Variants in CNTN6 observed in about 807,000 individuals in gnomAD.
The protein encoded by CNTN6 is contactin-6.
Under a neutral mutation model 122.8 loss-of-function variants are expected in CNTN6, and 137 were observed. The ratio of observed to expected loss-of-function variants is 1.12; its 90% CI spans 0.97 to 1.29. The LOEUF is 1.29. Among genes scored for constraint, CNTN6 ranks in the 50% most tolerant of loss-of-function variants. CNTN6 has a pLI of 0.00. For missense variants in CNTN6, 1,634 were observed against 1,223.4 expected (o/e 1.34, Z -5.01); for synonymous variants, 570 against 426.0 (o/e 1.34, Z -4.16).
chr3:1,180,498 C>T (rs560781575), intron 2 of CNTN6, among the ~76,000 whole-genome samples: 1 of 152,194 alleles, frequency 6.6e-6, no homozygotes, highest in African/African-American at 2.4e-5. Flanking sequence ...ATCCTGCTGA[C>T]TCTATTTTTA....
chr3:1,374,060 A>G lies in CNTN6; in HGVS notation c.2082A>G (p.Arg694=), dbSNP rs760760124. 6.2e-7 allele frequency: 1 copy of G among 1,612,446 alleles called. No homozygotes were observed. The highest frequency in any genetic ancestry group is 2.2e-5 in the East Asian group (1 of 44,834). ...GEPSEPSELL[R]TKASVPVVAP... ...CAAGTGAACCATCAGAATTGTTAAG[A>G]ACTAAAGCATCAGGTAAAGAATCAA... Residue 694 remains arginine, a synonymous_variant, in exon 16 of 23, where the codon AGA becomes AGG. Coordinates refer to ENST00000446702, the MANE Select transcript of CNTN6 (RefSeq NM_001289080.2).
chr3:1,364,338 A>G (rs1432241756), intron 12 of CNTN6, among the ~76,000 whole-genome samples: 2 of 151,920 alleles, frequency 1.3e-5, no homozygotes. Context: ...ATTTTCTATA[A>G]TGTCATAGAT....
At chr3:1,278,178 C>G (rs1385323103) in intron 4 of CNTN6, among the ~76,000 whole-genome samples, 1 of 152,108 alleles carries the variant, frequency 6.6e-6, no homozygotes, top group Non-Finnish European at 1.5e-5. Context: ...TAAAAGCAAA[C>G]AGATAGTGAG....
At chr3:1,114,687 T>C (rs561481345) in intron 1 of CNTN6, among the ~76,000 whole-genome samples, 2 of 152,322 alleles carry the variant, frequency 1.3e-5, no homozygotes, top group South Asian at 4.1e-4. Context: ...CAAGGAAGAA[T>C]ACTTCGCAAA....
intron 1 of CNTN6, among the ~76,000 whole-genome samples, chr3:1,101,871 A>T (rs2124959983): frequency 6.6e-6 from 1 of 152,334 alleles, no homozygotes; most frequent in South Asian, 2.1e-4. Context: ...ATGGTATGCA[A>T]ATTCTTAAAA....
intron 2 of CNTN6, among the ~76,000 whole-genome samples, chr3:1,189,274 TGGGGGAAA>T (rs2093668802): frequency 6.6e-6 from 1 of 152,168 alleles, no homozygotes. Context: ...AATCTCCTTT[TGGGGGAAA>T]GGGTTATAAG....
chr3:1,260,434 T>G (rs2125704509), intron 4 of CNTN6, among the ~76,000 whole-genome samples: 1 of 152,160 alleles, frequency 6.6e-6, no homozygotes, highest in Non-Finnish European at 1.5e-5. Flanking sequence ...GGGCAGATGT[T>G]TGATGTTTGG....
intron 2 of CNTN6, among the ~76,000 whole-genome samples, chr3:1,164,742 T>A (rs1384082408): frequency 6.6e-6 from 1 of 152,200 alleles, no homozygotes; most frequent in Non-Finnish European, 1.5e-5. Flanking sequence ...CCATTTAGTT[T>A]TTAGGCAGCA....
chr3:1,141,701 A>G (rs2092612190), intron 1 of CNTN6, among the ~76,000 whole-genome samples: 1 of 152,192 alleles, frequency 6.6e-6, no homozygotes, highest in African/African-American at 2.4e-5. Context: ...CATGTAACCT[A>G]GATGTATTTA....
intron 19 of CNTN6, 62 bp from the exon 20 acceptor site, chr3:1,385,549 T>TA (rs1020363942): frequency 1.3e-4 from 176 of 1,357,982 alleles, no homozygotes; most frequent in Non-Finnish European, 1.7e-4. Flanking sequence ...TAGTTGTTGG[T>TA]AAAAAATGAT....
chr3:1,330,071 C>A, intron 11 of CNTN6, 136 bp downstream of exon 11: 1 of 535,760 alleles, frequency 1.9e-6, no homozygotes. Flanking sequence ...CGCCAGCATT[C>A]TTCTCATCAT....
chr3:1,348,613 T>C (rs1264879834), intron 11 of CNTN6, among the ~76,000 whole-genome samples: 1 of 152,068 alleles, frequency 6.6e-6, no homozygotes, highest in African/African-American at 2.4e-5. Context: ...TACATGCACA[T>C]ATAGCTTAAA....
intron 11 of CNTN6, among the ~76,000 whole-genome samples, chr3:1,338,806 G>A (rs1039400348): frequency 1.1e-4 from 17 of 152,228 alleles, no homozygotes; most frequent in Admixed American, 3.3e-4. Context: ...TTTGAGAAAA[G>A]AAGTGGTTAC....
At position 1,318,040 on chromosome 3, in the gene CNTN6, A is replaced by G. The variant is rs1438775534; in HGVS notation, c.762-3610A>G. Among the ~76,000 whole-genome samples the G allele has an allele frequency of 2.0e-5, 3 of 151,628 alleles. No individual in the cohort carries two copies. The Admixed American group carries it at 2.0e-4, about 10-fold the overall frequency. ...AACCTTCTCCTTAATTGAATGTTTT[A>G]TCAGACTTACAACTCCAAACACAAT... On this transcript the variant is annotated intron_variant, in intron 7 of 22. Coordinates refer to ENST00000446702, the MANE Select transcript of CNTN6 (RefSeq NM_001289080.2).
chr3:1,233,296 G>A (rs2094376232), intron 4 of CNTN6, among the ~76,000 whole-genome samples: 1 of 152,156 alleles, frequency 6.6e-6, no homozygotes, highest in Non-Finnish European at 1.5e-5. Flanking sequence ...AAGGGCAACT[G>A]ATAGACTGGT....
rs559569673 is a variant in CNTN6 at position 1,356,887 on chromosome 3, G to A, written c.1492+4436G>A. Among the ~76,000 whole-genome samples the A allele has an allele frequency of 1.3e-4, 19 of 151,974 alleles. No individual in the cohort carries two copies. The South Asian group carries it at 1.5e-3, about 12-fold the overall frequency. On this transcript the variant is annotated intron_variant, in intron 12 of 22. Transcript: ENST00000446702. Reference sequence around the variant, plus strand: ...GTTCCAATATTGAAAGTGATGCTGCGTGAATTATTGAAACGTGAATACTAC... The same window carrying A: ...GTTCCAATATTGAAAGTGATGCTGCATGAATTATTGAAACGTGAATACTAC...
At chr3:1,214,909 C>T (rs1014797701) in intron 2 of CNTN6, among the ~76,000 whole-genome samples, 1 of 152,126 alleles carries the variant, frequency 6.6e-6, no homozygotes, top group African/African-American at 2.4e-5. Flanking sequence ...GCACCCACCA[C>T]TGCTAATTTT....
At chr3:1,164,929 AACCT>A (rs2093213141) in intron 2 of CNTN6, among the ~76,000 whole-genome samples, 1 of 152,186 alleles carries the variant, frequency 6.6e-6, no homozygotes, top group Non-Finnish European at 1.5e-5. Context: ...TTTGTGGCTT[AACCT>A]TGATTTTTAG....
At chr3:1,292,254 C>T (rs189730298) in intron 5 of CNTN6, among the ~76,000 whole-genome samples, 109 of 152,232 alleles carry the variant, frequency 7.2e-4, no homozygotes, top group Non-Finnish European at 1.2e-3. Context: ...ACTTTTTATG[C>T]GTGTGGCAGC....
Sources: gnomAD v4.1 joint callset for allele counts (sites outside exome capture counted in the v4.1 genomes callset) on GRCh38, gnomAD v4.1.1 for gene constraint, MANE v1.5 for transcripts, NCBI Gene and HGNC (gene_info 2026-07-23, HGNC 2026-07-21) for gene names.